The following HPSE2 variants were observed in gnomAD, a reference collection of about 807,000 sequenced individuals.
HPSE2 encodes inactive heparanase-2.
In HPSE2, 38 loss-of-function variants were observed where a neutral mutation model predicts 60.5. The ratio of observed to expected loss-of-function variants is 0.63; its 90% confidence interval spans 0.48 to 0.82. HPSE2 has a LOEUF of 0.82. Ranked by LOEUF, HPSE2 falls within the 40% of genes least tolerant of loss-of-function variation. HPSE2 has a pLI of 0.00. For missense variants in HPSE2, 713 were observed against 740.4 expected (o/e 0.96, Z 0.43); for synonymous variants, 295 against 293.2 (o/e 1.01, Z -0.06).
intron 3 of HPSE2, among the ~76,000 whole-genome samples, chr10:98,985,329 C>T (rs976152131): frequency 3.3e-5 from 5 of 152,132 alleles, no homozygotes; most frequent in African/African-American, 4.8e-5. Context: ...AGAGTGGGGG[C>T]CAATATTCAA....
chr10:98,488,952 T>A (rs1271556622), intron 10 of HPSE2, among the ~76,000 whole-genome samples: 1 of 152,116 alleles, frequency 6.6e-6, no homozygotes. Context: ...AAAAGTCTTA[T>A]CATGATAAAT....
intron 3 of HPSE2, among the ~76,000 whole-genome samples, chr10:99,064,611 A>G (rs971937253): frequency 6.6e-6 from 1 of 151,556 alleles, no homozygotes; most frequent in Non-Finnish European, 1.5e-5. Context: ...TTAAATATAT[A>G]TATATATATA....
chr10:99,249,184 G>T, the HPSE2 span, among the ~76,000 whole-genome samples: 1 of 152,104 alleles, frequency 6.6e-6, no homozygotes, highest in African/African-American at 2.4e-5. Context: ...TGGTAGATGC[G>T]CCAACAGCTT....
At chr10:98,749,405 T>C (rs910560907) in intron 3 of HPSE2, among the ~76,000 whole-genome samples, 3 of 151,780 alleles carry the variant, frequency 2.0e-5, no homozygotes, top group African/African-American at 7.3e-5. Flanking sequence ...CGTGTATATC[T>C]GTACATATAC....
chr10:99,171,835 C>T (rs75354237), intron 2 of HPSE2, among the ~76,000 whole-genome samples: 1 of 151,896 alleles, frequency 6.6e-6, no homozygotes, highest in Non-Finnish European at 1.5e-5. Context: ...AAAAACTTAA[C>T]CTCTTTGAGA....
At chr10:98,647,285 A>T (rs1386190186) in intron 6 of HPSE2, among the ~76,000 whole-genome samples, 1 of 152,204 alleles carries the variant, frequency 6.6e-6, no homozygotes, top group South Asian at 2.1e-4. Flanking sequence ...TTAGGCTTTT[A>T]AAACATTTAA....
chr10:98,913,657 A>G (rs2135031377), intron 3 of HPSE2, among the ~76,000 whole-genome samples: 1 of 152,334 alleles, frequency 6.6e-6, no homozygotes, highest in African/African-American at 2.4e-5. Context: ...CAAAATGAGC[A>G]GCCCAAATGC....
At chr10:98,557,950 A>G (rs965071974) in intron 9 of HPSE2, among the ~76,000 whole-genome samples, 22 of 152,192 alleles carry the variant, frequency 1.4e-4, no homozygotes, top group African/African-American at 5.1e-4. Context: ...TATATAAAGA[A>G]AAGGACAGAC....
chr10:99,236,023 A>AT (rs140396926), upstream of HPSE2, among the ~76,000 whole-genome samples: 18,897 of 92,524 alleles, frequency 0.2, 2,230 homozygotes, highest in African/African-American at 0.4. Context: ...ATTTTTTTTA[A>AT]TTTTTTTTTT....
At chr10:99,022,948 C>T (rs781177752) in intron 3 of HPSE2, among the ~76,000 whole-genome samples, 2 of 152,054 alleles carry the variant, frequency 1.3e-5, no homozygotes, top group African/African-American at 2.4e-5. Flanking sequence ...GGTAAAACAC[C>T]CTCTGCTTGA....
At chr10:98,980,596 GTA>G (rs1377468331) in intron 3 of HPSE2, among the ~76,000 whole-genome samples, 2 of 152,302 alleles carry the variant, frequency 1.3e-5, no homozygotes, top group African/African-American at 4.8e-5. Flanking sequence ...AGTCAGCAGT[GTA>G]TGAGTGATTG....
chr10:98,774,229 C>A (rs1042785295), intron 3 of HPSE2, among the ~76,000 whole-genome samples: 1 of 151,918 alleles, frequency 6.6e-6, no homozygotes, highest in Non-Finnish European at 1.5e-5. Flanking sequence ...TAAAAAAGAA[C>A]AAAATAATTG....
At chr10:99,071,753 G>A (rs964594505) in intron 3 of HPSE2, among the ~76,000 whole-genome samples, 26 of 152,186 alleles carry the variant, frequency 1.7e-4, no homozygotes, top group Non-Finnish European at 1.0e-4. Flanking sequence ...CCACGTGTAA[G>A]AAAAGGGTCC....
intron 3 of HPSE2, among the ~76,000 whole-genome samples, chr10:98,809,755 T>C (rs769648949): frequency 5.9e-5 from 9 of 152,176 alleles, no homozygotes; most frequent in Non-Finnish European, 1.3e-4. Context: ...GAGCATAGAA[T>C]AATAAAAGTA....
At chr10:98,898,416 A>C (rs1307268673) in intron 3 of HPSE2, among the ~76,000 whole-genome samples, 1 of 152,232 alleles carries the variant, frequency 6.6e-6, no homozygotes, top group East Asian at 1.9e-4. Flanking sequence ...GAAATTATCA[A>C]GCCACAAAGA....
At chr10:99,202,966 T>G (rs1848625391) in intron 2 of HPSE2, among the ~76,000 whole-genome samples, 1 of 152,180 alleles carries the variant, frequency 6.6e-6, no homozygotes, top group Admixed American at 6.5e-5. Flanking sequence ...CGACTTTGCC[T>G]TGGACCCTGA....
intron 3 of HPSE2, among the ~76,000 whole-genome samples, chr10:98,985,511 C>A (rs1029056910): frequency 9.2e-5 from 14 of 152,192 alleles, no homozygotes; most frequent in Non-Finnish European, 1.3e-4. Flanking sequence ...TGGAAAGGAA[C>A]AACCAGTACC....
chr10:99,001,847 G>C (rs1314704823), intron 3 of HPSE2, among the ~76,000 whole-genome samples: 1 of 152,056 alleles, frequency 6.6e-6, no homozygotes. Context: ...AAATCATAGA[G>C]AATGTTCTGA....
intron 2 of HPSE2, among the ~76,000 whole-genome samples, chr10:99,215,643 G>A (rs751644154): frequency 2.0e-5 from 3 of 152,132 alleles, no homozygotes; most frequent in East Asian, 1.9e-4. Context: ...TTTAAAAAGC[G>A]TCACAAACGA....
Sources: gnomAD v4.1 joint callset for allele counts (sites outside exome capture counted in the v4.1 genomes callset) on GRCh38, gnomAD v4.1.1 for gene constraint, MANE v1.5 for transcripts, NCBI Gene and HGNC (gene_info 2026-07-23, HGNC 2026-07-21) for gene names.